ORC4: variants seen among roughly 807,000 people sequenced by gnomAD.
ORC4 encodes origin recognition complex subunit 4.
A neutral mutation model predicts 63.9 loss-of-function variants in ORC4; 55 were observed. The observed-to-expected ratio is 0.86, with a 90% confidence interval of 0.69 to 1.08. ORC4 has a LOEUF of 1.08. Among genes scored for constraint, ORC4 ranks in the 50% least tolerant of loss-of-function variants. The pLI is 0.00. For synonymous variants in ORC4, 150 were observed against 168.5 expected, an observed-to-expected ratio of 0.89 and a Z score of 0.85; for missense variants, 511 against 504.4, an observed-to-expected ratio of 1.01 and a Z score of -0.13.
intron 3 of ORC4, 136 bp downstream of exon 3, chr2:147,973,312 C>T (rs965641586): frequency 2.9e-6 from 2 of 680,932 alleles, no homozygotes; most frequent in East Asian, 5.5e-5. Context: ...TGTTTCTATT[C>T]ACAAAGCAAA....
intron 13 of ORC4, chr2:147,936,845 ACT>A (rs1350143634): frequency 2.0e-5 from 3 of 151,602 alleles, no homozygotes; most frequent in African/African-American, 7.3e-5. Flanking sequence ...ATGGTGAAAC[ACT>A]GTCTCTACTA....
At chr2:147,961,239 A>T (rs186011156) in intron 4 of ORC4, among the ~76,000 whole-genome samples, 52 of 152,244 alleles carry the variant, frequency 3.4e-4, no homozygotes, top group South Asian at 2.1e-3. Context: ...CAGCAGTTCC[A>T]GACAAACCTG....
chr2:147,968,006 C>T (rs1205309839), intron 4 of ORC4, among the ~76,000 whole-genome samples: 1 of 151,928 alleles, frequency 6.6e-6, no homozygotes, highest in African/African-American at 2.4e-5. Context: ...TATCAACAGC[C>T]AACTGATTTT....
intron 1 of ORC4, among the ~76,000 whole-genome samples, chr2:147,995,998 T>G (rs1280088943): frequency 7.4e-6 from 1 of 135,306 alleles, no homozygotes; most frequent in Non-Finnish European, 1.6e-5. Flanking sequence ...AGACTCCATC[T>G]CAAAAAAAAA....
intron 1 of ORC4, among the ~76,000 whole-genome samples, chr2:148,007,559 C>A (rs1692710572): frequency 6.6e-6 from 1 of 152,114 alleles, no homozygotes; most frequent in South Asian, 2.1e-4. Context: ...ATGAAGTATG[C>A]CTACAAAATC....
At chr2:147,970,600 T>C (rs954368183) in intron 4 of ORC4, among the ~76,000 whole-genome samples, 28 of 149,104 alleles carry the variant, frequency 1.9e-4, no homozygotes, top group African/African-American at 5.7e-4. Context: ...CTTTCTCCAA[T>C]TGGGCATTCA....
chr2:147,974,072 C>T (rs1240750227), intron 2 of ORC4, among the ~76,000 whole-genome samples: 1 of 152,132 alleles, frequency 6.6e-6, no homozygotes, highest in Non-Finnish European at 1.5e-5. Context: ...ATTTGCTTCT[C>T]CTAGACTGAC....
chr2:147,987,895 T>C (rs1691317882), intron 1 of ORC4, among the ~76,000 whole-genome samples: 1 of 151,524 alleles, frequency 6.6e-6, no homozygotes, highest in Non-Finnish European at 1.5e-5. Context: ...CTACTAAAAA[T>C]ACAAAAAATT....
In ORC4 at chr2:147,935,582, A is replaced by G; in HGVS notation, c.1239T>C (p.Asn413=). 1 of 1,613,852 alleles carries G rather than the reference A, an allele frequency of 6.2e-7. No individual in the cohort carries two copies. ...KLLLDNTQIM[N]ALQKYPNCPT... ...GACAGTTGGGATATTTCTGCAGAGC[A>G]TTCATAATTTGAGTATTATCCAAAA... Residue 413 remains asparagine (N), a synonymous_variant, in exon 14 of 14, where the codon AAT becomes AAC. Coordinates refer to ENST00000392857, the MANE Select transcript of ORC4 (RefSeq NM_181741.4).
At chr2:147,966,027 G>A (rs1305259245) in intron 4 of ORC4, among the ~76,000 whole-genome samples, 1 of 152,064 alleles carries the variant, frequency 6.6e-6, no homozygotes, top group Non-Finnish European at 1.5e-5. Flanking sequence ...GCAAAATAGG[G>A]AGACCTGGTC....
At chr2:148,005,550 A>T (rs1252703908) in intron 1 of ORC4, among the ~76,000 whole-genome samples, 1 of 151,970 alleles carries the variant, frequency 6.6e-6, no homozygotes, top group Non-Finnish European at 1.5e-5. Context: ...GAAAAATTTA[A>T]AATAGACATT....
rs907114486 is a variant in ORC4 at position 147,931,788 on chromosome 2, G to A, written c.*3722C>T. ...ATGCTAAAAACTCTCAATAAATTAG[G>A]GATTGATGGGGTGTATTTCAAAATA... On this transcript the variant is annotated 3_prime_UTR_variant, in exon 14 of 14. Transcript: ENST00000392857. 4 of 151,876 alleles carry A rather than the reference G, an allele frequency of 2.6e-5. No individual in the cohort carries two copies. Among genetic ancestry groups the A allele is most frequent in the Non-Finnish European group, 5.9e-5 (4 of 68,024 alleles). The allele number at this position is 151,876 out of a possible 1,614,324, so 9.4% of individuals were successfully genotyped here.
intron 1 of ORC4, among the ~76,000 whole-genome samples, chr2:148,000,871 G>T (rs1452018541): frequency 1.3e-5 from 2 of 152,070 alleles, no homozygotes; most frequent in Non-Finnish European, 2.9e-5. Context: ...GGGAAGATGG[G>T]GGGAATGGAT....
chr2:147,993,835 T>C (rs901226544), intron 1 of ORC4, among the ~76,000 whole-genome samples: 3 of 152,346 alleles, frequency 2.0e-5, no homozygotes, highest in Non-Finnish European at 2.9e-5. Flanking sequence ...GGGACAATAA[T>C]TGATGATCAA....
chr2:147,978,530 TG>T (rs953226517), intron 1 of ORC4, among the ~76,000 whole-genome samples: 1 of 152,174 alleles, frequency 6.6e-6, no homozygotes, highest in Non-Finnish European at 1.5e-5. Flanking sequence ...TGTCTTCTTG[TG>T]GGTCCTTGAA....
chr2:147,937,917 C>G, intron 13 of ORC4: 1 of 579,956 alleles, frequency 1.7e-6, no homozygotes, highest in Non-Finnish European at 3.1e-6. Context: ...TTTCGGGATG[C>G]AAGTGCTCTG....
rs1446889103 is a variant in ORC4 at position 147,933,685 on chromosome 2, CA to C, written c.*1824del. The C allele has an allele frequency of 6.6e-6, 1 of 152,048 alleles. No individual in the cohort carries two copies. Among genetic ancestry groups the C allele is most frequent in the Non-Finnish European group, 1.5e-5 (1 of 68,000 alleles). The allele number at this position is 152,048 out of a possible 1,614,324, so 9.4% of individuals were successfully genotyped here. On this transcript the variant is annotated 3_prime_UTR_variant, in exon 14 of 14. Transcript: ENST00000392857. ...CCTTTAAGACAAATAATACTTTCCT[CA>C]AATAGTTCAGAAAATTTTTAAAAGG... is the stretch of plus-strand genomic sequence containing the variant.
rs1259530285 is a variant in ORC4, at chr2:148,000,947, CTG to C, written c.-18+19684_-18+19685del. Among the ~76,000 whole-genome samples the C allele has an allele frequency of 2.6e-5, 4 of 151,966 alleles. No homozygotes were observed. The South Asian group carries it at 8.3e-4, about 32-fold the overall frequency. On this transcript the variant is annotated intron_variant, in intron 1 of 13. Transcript: ENST00000392857. Reference sequence around the variant, plus strand: ...GTAAGTCAAGAGATAATGCCTAAAACTGAAAAAACAGGAGGTAGCAATATAAA... The same window carrying C: ...GTAAGTCAAGAGATAATGCCTAAAACAAAAAACAGGAGGTAGCAATATAAA...
At chr2:147,949,508 A>T (rs1688837948) in intron 8 of ORC4, among the ~76,000 whole-genome samples, 1 of 152,138 alleles carries the variant, frequency 6.6e-6, no homozygotes, top group Non-Finnish European at 1.5e-5. Flanking sequence ...CTATGAATAA[A>T]CAAAAACCCT....
Sources: gnomAD v4.1 joint callset for allele counts (sites outside exome capture counted in the v4.1 genomes callset) on GRCh38, gnomAD v4.1.1 for gene constraint, MANE v1.5 for transcripts, NCBI Gene and HGNC (gene_info 2026-07-23, HGNC 2026-07-21) for gene names.